Variants in GALNT13 observed in about 807,000 individuals in gnomAD.
GALNT13 encodes UDP-GalNAc:polypeptide N-acetylgalactosaminyltransferase 13.
Under a neutral mutation model 64.2 loss-of-function variants are expected in GALNT13, and 28 were observed. The observed-to-expected ratio is 0.44, with a 90% confidence interval of 0.32 to 0.60. The LOEUF is 0.60. Ranked by LOEUF, GALNT13 falls within the 20% of genes least tolerant of loss-of-function variation. The pLI is 0.05. For missense variants in GALNT13, 577 were observed against 669.8 expected (o/e 0.86, Z 1.53); for synonymous variants, 214 against 224.6 (o/e 0.95, Z 0.42).
At chr2:154,254,489 T>C (rs1360855611) in intron 7 of GALNT13, among the ~76,000 whole-genome samples, 1 of 152,146 alleles carries the variant, frequency 6.6e-6, no homozygotes, top group Non-Finnish European at 1.5e-5. Flanking sequence ...TCTCAGCATC[T>C]AGGCATCTTA....
At chr2:153,245,977 C>T in the GALNT13 span, among the ~76,000 whole-genome samples, 1 of 151,834 alleles carries the variant, frequency 6.6e-6, no homozygotes, top group Admixed American at 6.6e-5. Context: ...AGCTGAAAAA[C>T]ACAGAATAAG....
At position 154,142,273 on chromosome 2, in the gene GALNT13, G is replaced by C. The variant is rs551126919; in HGVS notation, c.311+1768G>C. Among the ~76,000 whole-genome samples, 28 of 151,930 alleles carry C rather than the reference G, an allele frequency of 1.8e-4. No individual in the cohort carries two copies. In the South Asian group the frequency reaches 5.8e-3, roughly 32 times the overall value. The stretch of plus-strand genomic sequence containing the variant: ...TCATATAATATGAAAACCTTGGCTG[G>C]GCTTGGTGGCTCATGCCTGTAATCC... On this transcript the variant is annotated intron_variant, in intron 4 of 12. Transcript: ENST00000392825.
chr2:153,585,011 A>C, the GALNT13 span, among the ~76,000 whole-genome samples: 1 of 152,188 alleles, frequency 6.6e-6, no homozygotes, highest in Non-Finnish European at 1.5e-5. Context: ...GGAAACATCA[A>C]AAGCAAAGAC....
chr2:154,452,789 A>G lies in GALNT13; in HGVS notation c.*2238A>G, dbSNP rs1033407652. The G allele has an allele frequency of 1.4e-4, 21 of 152,222 alleles. No individual in the cohort carries two copies. Among genetic ancestry groups the G allele is most frequent in the Admixed American group, 1.2e-3 (18 of 15,268 alleles). 9.4% of individuals were successfully genotyped at this position (152,222 alleles called of 1,614,324 possible). On this transcript the variant is annotated 3_prime_UTR_variant, in exon 13 of 13. Transcript: ENST00000392825. Reference sequence around the variant, plus strand: ...ACAAAACATCCAACACTAGAAAGCAATGACTAACATTTAATTTGTTTACAA... The same window carrying G: ...ACAAAACATCCAACACTAGAAAGCAGTGACTAACATTTAATTTGTTTACAA...
chr2:153,767,418 G>A, the GALNT13 span, among the ~76,000 whole-genome samples: 1 of 152,030 alleles, frequency 6.6e-6, no homozygotes, highest in East Asian at 1.9e-4. Flanking sequence ...ATGTATGAGT[G>A]CAGATGCCTT....
At chr2:153,353,595 T>C in the GALNT13 span, among the ~76,000 whole-genome samples, 1 of 152,096 alleles carries the variant, frequency 6.6e-6, no homozygotes, top group Non-Finnish European at 1.5e-5. Flanking sequence ...TTTTTGTAGA[T>C]ATTCCTTTAA....
At chr2:154,029,207 T>C in intron 3 of GALNT13, among the ~76,000 whole-genome samples, 1 of 140,566 alleles carries the variant, frequency 7.1e-6, no homozygotes, top group East Asian at 2.1e-4. Context: ...AAAAAAAAGA[T>C]CGTCTACAGC....
chr2:153,112,767 A>C, the GALNT13 span, among the ~76,000 whole-genome samples: 1 of 152,092 alleles, frequency 6.6e-6, no homozygotes, highest in South Asian at 2.1e-4. Flanking sequence ...ACAATTTATT[A>C]GTTCAACTTA....
At chr2:153,242,190 T>A in the GALNT13 span, among the ~76,000 whole-genome samples, 5 of 152,176 alleles carry the variant, frequency 3.3e-5, no homozygotes, top group African/African-American at 7.2e-5. Flanking sequence ...TAAGCCTTTA[T>A]CTTTTGGTAA....
the GALNT13 span, among the ~76,000 whole-genome samples, chr2:153,295,510 T>C: frequency 0.82 from 123,486 of 149,730 alleles, 52,100 homozygotes; most frequent in African/African-American, 0.91. Context: ...CCTTGAAGCC[T>C]AAACATCTGG....
chr2:153,753,449 A>G, the GALNT13 span, among the ~76,000 whole-genome samples: 1 of 152,124 alleles, frequency 6.6e-6, no homozygotes, highest in African/African-American at 2.4e-5. Flanking sequence ...TATCTGTTTT[A>G]TGGTGCATCC....
intron 7 of GALNT13, among the ~76,000 whole-genome samples, chr2:154,258,434 A>C (rs1690499729): frequency 6.6e-6 from 1 of 152,236 alleles, no homozygotes; most frequent in Non-Finnish European, 1.5e-5. Flanking sequence ...TAGATGATTA[A>C]TTCTATCATT....
chr2:154,437,780 G>A (rs1418997551), intron 11 of GALNT13: 2 of 360,892 alleles, frequency 5.5e-6, no homozygotes, highest in Admixed American at 3.3e-5. Flanking sequence ...GCTTGAATCC[G>A]GGAGGCGGAG....
At chr2:153,499,097 C>T in the GALNT13 span, among the ~76,000 whole-genome samples, 2 of 152,168 alleles carry the variant, frequency 1.3e-5, no homozygotes, top group Non-Finnish European at 2.9e-5. Context: ...GTGATCCGCC[C>T]GCCTCGGCCT....
Position 154,140,884 on chromosome 2 carries a change from G to T in GALNT13, c.311+379G>T, listed in dbSNP as rs114616321. On this transcript the variant is annotated intron_variant, in intron 4 of 12. Coordinates refer to ENST00000392825, the MANE Select transcript of GALNT13 (RefSeq NM_052917.4). ...AATGTTCTGGAAAATATGTCATTAG[G>T]CAATTTTGTCATTGTGTAAGCATCA... Among the ~76,000 whole-genome samples the T allele has an allele frequency of 3.4e-3, 512 of 152,102 alleles. 4 individuals are homozygous for T. The highest frequency in any genetic ancestry group is 5.5e-3 in the Non-Finnish European group (376 of 67,978).
chr2:153,185,218 A>G, the GALNT13 span, among the ~76,000 whole-genome samples: 1 of 151,898 alleles, frequency 6.6e-6, no homozygotes, highest in African/African-American at 2.4e-5. Context: ...GGATTTATCT[A>G]TTTCTTCTAG....
intron 12 of GALNT13, chr2:154,445,669 T>C (rs1701531987): frequency 1.9e-5 from 7 of 359,466 alleles, no homozygotes; most frequent in Non-Finnish European, 3.5e-5. Context: ...ATGTACTATT[T>C]TACTGTGGAA....
chr2:153,350,694 A>G, the GALNT13 span, among the ~76,000 whole-genome samples: 17,718 of 152,010 alleles, frequency 0.12, 1,156 homozygotes, highest in Middle Eastern at 0.17. Context: ...TGCATTGTCA[A>G]GTTTCTAATT....
chr2:153,219,796 A>G, the GALNT13 span, among the ~76,000 whole-genome samples: 1 of 152,242 alleles, frequency 6.6e-6, no homozygotes, highest in East Asian at 1.9e-4. Context: ...AGTGTGGGAA[A>G]TTTCATCCTT....
Sources: gnomAD v4.1 joint callset for allele counts (sites outside exome capture counted in the v4.1 genomes callset) on GRCh38, gnomAD v4.1.1 for gene constraint, MANE v1.5 for transcripts, NCBI Gene and HGNC (gene_info 2026-07-23, HGNC 2026-07-21) for gene names.